SUGCT: variants seen among roughly 807,000 people sequenced by gnomAD.
SUGCT encodes succinyl-CoA:glutarate CoA-transferase.
Under a neutral mutation model 55.0 loss-of-function variants are expected in SUGCT, and 41 were observed. The observed-to-expected ratio is 0.74, with a 90% CI of 0.58 to 0.97. The LOEUF (loss-of-function observed/expected upper bound fraction) is 0.97. SUGCT is among the 50% of genes least tolerant of loss of function. The probability of loss-of-function intolerance (pLI) is 0.00; values close to 1 mark genes in which losing one functional copy is unlikely to be tolerated. For synonymous variants in SUGCT, 187 were observed against 200.4 expected (o/e 0.93, Z 0.56); for missense variants, 568 against 547.8 (o/e 1.04, Z -0.37).
At chr7:40,667,452 G>C (rs1801704714) in intron 12 of SUGCT, among the ~76,000 whole-genome samples, 3 of 152,064 alleles carry the variant, frequency 2.0e-5, no homozygotes, top group African/African-American at 4.8e-5. Context: ...AGATGATGCT[G>C]GCTTCATAGA....
intron 9 of SUGCT, among the ~76,000 whole-genome samples, chr7:40,436,387 A>G (rs1182615148): frequency 6.6e-6 from 1 of 152,196 alleles, no homozygotes; most frequent in Non-Finnish European, 1.5e-5. Context: ...CTGTCTCACT[A>G]TGTATACTCT....
chr7:40,959,906 G>A, the SUGCT span, among the ~76,000 whole-genome samples: 5 of 152,082 alleles, frequency 3.3e-5, no homozygotes, highest in African/African-American at 7.2e-5. Context: ...AGTCCCTCAC[G>A]GCTTCCCTTG....
chr7:40,825,464 A>C (rs1009003250), intron 13 of SUGCT, among the ~76,000 whole-genome samples: 1 of 152,158 alleles, frequency 6.6e-6, no homozygotes, highest in African/African-American at 2.4e-5. Flanking sequence ...TAGGGTTTCA[A>C]ATTTTCTGTG....
intron 10 of SUGCT, among the ~76,000 whole-genome samples, chr7:40,449,863 A>G (rs1789090783): frequency 6.6e-6 from 1 of 152,178 alleles, no homozygotes; most frequent in Non-Finnish European, 1.5e-5. Flanking sequence ...TTATGTTTCA[A>G]GGTTTTAGGA....
At chr7:40,605,012 G>A (rs1798456805) in intron 12 of SUGCT, among the ~76,000 whole-genome samples, 1 of 152,174 alleles carries the variant, frequency 6.6e-6, no homozygotes, top group South Asian at 2.1e-4. Flanking sequence ...CGGTATTGGG[G>A]GCTGTGTGCC....
intron 12 of SUGCT, among the ~76,000 whole-genome samples, chr7:40,725,773 G>T (rs1219270361): frequency 1.3e-5 from 2 of 152,060 alleles, no homozygotes; most frequent in Non-Finnish European, 2.9e-5. Flanking sequence ...CTGTGTTCTT[G>T]ATGAAAATCC....
chr7:40,674,665 T>C (rs1156668453), intron 12 of SUGCT, among the ~76,000 whole-genome samples: 1 of 152,218 alleles, frequency 6.6e-6, no homozygotes, highest in Non-Finnish European at 1.5e-5. Flanking sequence ...TTGGGAAATG[T>C]ATAAAAATGA....
intron 1 of SUGCT, among the ~76,000 whole-genome samples, chr7:40,177,622 T>A (rs1784990576): frequency 6.6e-6 from 1 of 152,236 alleles, no homozygotes; most frequent in African/African-American, 2.4e-5. Context: ...GCCTTCTCAA[T>A]ATCTATCCTC....
At chr7:40,624,511 T>G (rs145588743) in intron 12 of SUGCT, among the ~76,000 whole-genome samples, 1 of 152,288 alleles carries the variant, frequency 6.6e-6, no homozygotes, top group East Asian at 1.9e-4. Context: ...GAAAAAGCAT[T>G]AAGCCGATTT....
chr7:40,348,523 G>A (rs1197321104), intron 9 of SUGCT, among the ~76,000 whole-genome samples: 2 of 152,126 alleles, frequency 1.3e-5, no homozygotes, highest in African/African-American at 4.8e-5. Context: ...TCCATGACAG[G>A]AGCTGGAGTA....
At chr7:40,583,426 A>G (rs1180823888) in intron 12 of SUGCT, among the ~76,000 whole-genome samples, 2 of 152,134 alleles carry the variant, frequency 1.3e-5, no homozygotes, top group Admixed American at 1.3e-4. Context: ...CCTTTATCCT[A>G]AAGTGATCAT....
At chr7:40,989,047 T>C in the SUGCT span, among the ~76,000 whole-genome samples, 1 of 152,296 alleles carries the variant, frequency 6.6e-6, no homozygotes, top group South Asian at 2.1e-4. Context: ...AGTATATTAA[T>C]TGTACAATAG....
chr7:41,003,178 A>AGAT, the SUGCT span, among the ~76,000 whole-genome samples: 1 of 152,276 alleles, frequency 6.6e-6, no homozygotes, highest in East Asian at 1.9e-4. Context: ...ATATTCTGAC[A>AGAT]TCTAAGTCCT....
chr7:40,737,195 C>T (rs965695350), intron 12 of SUGCT, among the ~76,000 whole-genome samples: 12 of 152,028 alleles, frequency 7.9e-5, no homozygotes, highest in Non-Finnish European at 1.3e-4. Flanking sequence ...TTCACAGCTT[C>T]GACATTGAAT....
At chr7:40,714,656 A>G (rs1352739082) in intron 12 of SUGCT, among the ~76,000 whole-genome samples, 8 of 152,326 alleles carry the variant, frequency 5.3e-5, no homozygotes, top group Admixed American at 6.5e-5. Context: ...TAGGTCTTCA[A>G]TAATAGAGTT....
intron 12 of SUGCT, among the ~76,000 whole-genome samples, chr7:40,498,307 C>T (rs1321980030): frequency 6.6e-6 from 1 of 152,138 alleles, no homozygotes; most frequent in Admixed American, 6.5e-5. Context: ...TATGATATAT[C>T]CAGTGCTTGT....
At chr7:40,745,678 A>G (rs1253774992) in intron 12 of SUGCT, among the ~76,000 whole-genome samples, 1 of 152,212 alleles carries the variant, frequency 6.6e-6, no homozygotes, top group Non-Finnish European at 1.5e-5. Flanking sequence ...CTACTAAACC[A>G]TGAAAGACCT....
At chr7:40,370,499 T>C (rs1188605640) in intron 9 of SUGCT, among the ~76,000 whole-genome samples, 1 of 151,880 alleles carries the variant, frequency 6.6e-6, no homozygotes, top group African/African-American at 2.4e-5. Context: ...GGAAAAAACA[T>C]ACCTAGAGAT....
chr7:40,404,272 T>C (rs893964682), intron 9 of SUGCT, among the ~76,000 whole-genome samples: 1 of 152,216 alleles, frequency 6.6e-6, no homozygotes, highest in East Asian at 1.9e-4. Context: ...TTTCTTACAG[T>C]TGCTATTGCA....
Sources: gnomAD v4.1 joint callset for allele counts (sites outside exome capture counted in the v4.1 genomes callset) on GRCh38, gnomAD v4.1.1 for gene constraint, MANE v1.5 for transcripts, NCBI Gene and HGNC (gene_info 2026-07-23, HGNC 2026-07-21) for gene names.